ATP11C: variants seen among roughly 807,000 people sequenced by gnomAD.
ATP11C encodes the protein ATPase phospholipid transporting 11C (ATP11C blood group), also known as phospholipid-transporting ATPase IG.
In ATP11C, 36 loss-of-function variants were observed where a neutral mutation model predicts 97.4. The ratio of observed to expected loss-of-function variants is 0.37; its 90% CI spans 0.28 to 0.49. The LOEUF is 0.49. Ranked by LOEUF, ATP11C falls within the 20% of genes least tolerant of loss-of-function variation. The pLI is 0.98. For synonymous variants in ATP11C, 275 were observed against 290.9 expected (o/e 0.95, Z 0.56); for missense variants, 730 against 824.6 (o/e 0.89, Z 1.40).
rs773220360 is a variant in ATP11C at position 139,842,889 on chromosome X, C to T, written c.28-16066G>A. Among the ~76,000 whole-genome samples the T allele has an allele frequency of 3.6e-5, 4 of 112,111 alleles. No homozygotes were observed. The South Asian group carries it at 1.5e-3, about 42-fold the overall frequency. ...TTCAGAGCTACTCTAACAAACCTTACTTTCCCTTGCCATTCTAACTTCATT... is the reference window on the plus strand; with the variant it reads ...TTCAGAGCTACTCTAACAAACCTTATTTTCCCTTGCCATTCTAACTTCATT... On this transcript the variant is annotated intron_variant, in intron 1 of 29. Transcript: ENST00000682941.
intron 1 of ATP11C, among the ~76,000 whole-genome samples, chrX:139,918,786 C>CTGCATGA (rs2085199853): frequency 9.1e-6 from 1 of 110,200 alleles, no homozygotes; most frequent in African/African-American, 3.3e-5. Context: ...AAGACCAATA[C>CTGCATGA]TGCATGAAGT....
At chrX:139,815,922 TG>T (rs2083280700) in intron 4 of ATP11C, among the ~76,000 whole-genome samples, 1 of 111,383 alleles carries the variant, frequency 9.0e-6, no homozygotes, top group South Asian at 3.8e-4. Context: ...GAACCAGTAT[TG>T]GGAGCAGAAT....
rs376889238 is a variant in ATP11C at position 139,798,769 on chromosome X, T to TCCAA, written c.711-30_711-27dup. ...CTAAATAAAAAATGAACACAGCTTA[T>TCCAA]CCAAACAAGCCAATAGCATCAACAA... On this transcript the variant is annotated intron_variant, in intron 8 of 29. Transcript: ENST00000682941. 173 of 1,152,941 alleles carry TCCAA rather than the reference T, an allele frequency of 1.5e-4. No individual in the cohort carries two copies. The African/African-American group carries it at 2.6e-3, about 17-fold the overall frequency.
intron 1 of ATP11C, among the ~76,000 whole-genome samples, chrX:139,927,138 A>G (rs2085362562): frequency 8.9e-6 from 1 of 111,895 alleles, no homozygotes; most frequent in Non-Finnish European, 1.9e-5. Context: ...CATGCCCTCT[A>G]TATCTATAGT....
chrX:139,759,371 T>C (rs780326176), intron 22 of ATP11C, among the ~76,000 whole-genome samples: 38 of 112,063 alleles, frequency 3.4e-4, no homozygotes, highest in South Asian at 7.5e-4. Flanking sequence ...TAAAGATGAA[T>C]AGGACATGTT....
At chrX:139,874,376 C>T (rs1363317945) in intron 1 of ATP11C, among the ~76,000 whole-genome samples, 1 of 110,047 alleles carries the variant, frequency 9.1e-6, no homozygotes, top group African/African-American at 3.3e-5. Flanking sequence ...GGTTTTTCTA[C>T]CAGTTCTGTG....
At chrX:139,851,551 T>C (rs1370261132) in intron 1 of ATP11C, among the ~76,000 whole-genome samples, 4 of 111,299 alleles carry the variant, frequency 3.6e-5, no homozygotes, top group Non-Finnish European at 7.5e-5. Context: ...AGTGGAAATA[T>C]GGGACTGGGA....
At chrX:139,845,779 A>G (rs2083898358) in intron 1 of ATP11C, among the ~76,000 whole-genome samples, 1 of 112,390 alleles carries the variant, frequency 8.9e-6, no homozygotes, top group Admixed American at 9.4e-5. Flanking sequence ...ATTTTCTGCA[A>G]TTCTCATTAT....
At chrX:139,906,639 C>T (rs1286136813) in intron 1 of ATP11C, among the ~76,000 whole-genome samples, 3 of 108,210 alleles carry the variant, frequency 2.8e-5, no homozygotes, top group South Asian at 4.1e-4. Flanking sequence ...AAAATTAGCC[C>T]GGTGCCGTAG....
intron 20 of ATP11C, among the ~76,000 whole-genome samples, chrX:139,764,263 C>T (rs949759937): frequency 2.7e-5 from 3 of 112,631 alleles, no homozygotes; most frequent in African/African-American, 9.7e-5. Context: ...CTACGAGTAG[C>T]TGTATTTTAA....
intron 1 of ATP11C, among the ~76,000 whole-genome samples, chrX:139,867,566 CAG>C (rs754388430): frequency 8.9e-6 from 1 of 112,036 alleles, no homozygotes; most frequent in Admixed American, 9.5e-5. Context: ...AATATAACAT[CAG>C]AGGAGCTACA....
chrX:139,806,544 CATGAAAGTGGGT>C (rs1451292710), intron 5 of ATP11C, among the ~76,000 whole-genome samples: 2 of 111,151 alleles, frequency 1.8e-5, no homozygotes, highest in Non-Finnish European at 3.8e-5. Flanking sequence ...AGATGGCTAC[CATGAAAGTGGGT>C]AAGAAGAAAA....
intron 1 of ATP11C, among the ~76,000 whole-genome samples, chrX:139,881,582 C>T (rs895313700): frequency 9.0e-6 from 1 of 111,428 alleles, no homozygotes; most frequent in African/African-American, 3.3e-5. Context: ...TATGGGTCTC[C>T]ACTAATTCAT....
intron 28 of ATP11C, among the ~76,000 whole-genome samples, chrX:139,733,577 T>C (rs1448377944): frequency 1.8e-5 from 2 of 112,516 alleles, no homozygotes; most frequent in Admixed American, 1.9e-4. Context: ...ATGAAGAAAG[T>C]TGATAGACAT....
At chrX:139,909,662 A>G (rs754248487) in intron 1 of ATP11C, among the ~76,000 whole-genome samples, 1 of 111,929 alleles carries the variant, frequency 8.9e-6, no homozygotes, top group African/African-American at 3.2e-5. Context: ...GTGCAATTTT[A>G]CAAGATGTTA....
At position 139,825,240 on chromosome X, in the gene ATP11C, C is replaced by G. The variant is rs566221653; in HGVS notation, c.147+1464G>C. Among the ~76,000 whole-genome samples, 35 of 111,563 alleles carry G rather than the reference C, an allele frequency of 3.1e-4. No individual in the cohort carries two copies. In the South Asian group the frequency reaches 0.013, roughly 42 times the overall value. ...CAAACAGCACGATGATGTAAAAAGACCTCTTTATTCAGAGCAACTAGACCT... is the reference window on the plus strand; with the variant it reads ...CAAACAGCACGATGATGTAAAAAGAGCTCTTTATTCAGAGCAACTAGACCT... On this transcript the variant is annotated intron_variant, in intron 2 of 29. Coordinates refer to ENST00000682941, the MANE Select transcript of ATP11C (RefSeq NM_001353812.2).
chrX:139,730,888 G>A (rs960227582), intron 29 of ATP11C, among the ~76,000 whole-genome samples: 2 of 110,986 alleles, frequency 1.8e-5, no homozygotes, highest in African/African-American at 6.5e-5. Flanking sequence ...GAGTTCAAGG[G>A]GCCCTCCCAC....
chrX:139,856,294 C>T (rs185386858), intron 1 of ATP11C, among the ~76,000 whole-genome samples: 70 of 112,870 alleles, frequency 6.2e-4, no homozygotes, highest in Non-Finnish European at 1.2e-3. Flanking sequence ...GCGGGTCAGC[C>T]CCCAAGGGCC....
rs201638680 is a variant in ATP11C at position 139,918,873 on chromosome X, TG to T, written c.27+13142del. ...AGTTCTAGAGATCTGTTGCATACAA[TG>T]TGAATACAATTTGCACTACTCTATG... On this transcript the variant is annotated intron_variant, in intron 1 of 29. Coordinates refer to ENST00000682941, the MANE Select transcript of ATP11C (RefSeq NM_001353812.2). 3.9e-3 allele frequency among the ~76,000 whole-genome samples: 432 copies of T among 111,003 alleles called. 3 individuals carry two copies. Among genetic ancestry groups the T allele is most frequent in the African/African-American group, 0.014 (412 of 30,504 alleles).
Sources: allele counts gnomAD v4.1 joint callset (sites outside exome capture counted in the v4.1 genomes callset), GRCh38; gene constraint gnomAD v4.1.1; transcripts MANE v1.5; gene names NCBI Gene and HGNC (gene_info 2026-07-23, HGNC 2026-07-21).